FHOD3: variants seen among roughly 807,000 people sequenced by gnomAD.
FHOD3 encodes FH1/FH2 domain-containing protein 3.
In FHOD3, 90 loss-of-function variants were observed where a neutral mutation model predicts 173.0. The ratio of observed to expected loss-of-function variants is 0.52; its 90% CI spans 0.44 to 0.62. The LOEUF (loss-of-function observed/expected upper bound fraction) is 0.62, where lower values mean the gene tolerates loss of function less well. Among genes scored for constraint, FHOD3 ranks in the 20% least tolerant of loss-of-function variants. The pLI is 0.00. For missense variants in FHOD3, 1,945 were observed against 2,034.7 expected, an observed-to-expected ratio of 0.96 and a Z score of 0.85; for synonymous variants, 828 against 823.0, an observed-to-expected ratio of 1.01 and a Z score of -0.10.
intron 19 of FHOD3, among the ~76,000 whole-genome samples, chr18:36,722,666 A>G (rs548676052): frequency 1.6e-4 from 25 of 152,210 alleles, no homozygotes; most frequent in African/African-American, 6.0e-4. Flanking sequence ...GTGCAGTGGC[A>G]CAATGATAGC....
intron 14 of FHOD3, among the ~76,000 whole-genome samples, chr18:36,666,798 G>A (rs546939530): frequency 3.9e-5 from 6 of 152,062 alleles, no homozygotes; most frequent in Non-Finnish European, 5.9e-5. Flanking sequence ...AAATTGACAC[G>A]CAAGAAACAG....
chr18:36,621,351 A>G lies in FHOD3; in HGVS notation c.958-4160A>G, dbSNP rs555195176. On this transcript the variant is annotated intron_variant, in intron 9 of 28. Transcript: ENST00000590592. The stretch of plus-strand genomic sequence containing the variant: ...ATCAGTTATCTTTTTCTGCATAACA[A>G]AACACCCCAGAACTTAGTGGTGTAA... 6.0e-4 allele frequency among the ~76,000 whole-genome samples: 92 copies of G among 152,342 alleles called. 2 individuals carry two copies. In the South Asian group the frequency reaches 0.017, roughly 28 times the overall value.
chr18:36,767,469 A>G lies in FHOD3; in HGVS notation c.4625-1796A>G, dbSNP rs759361249. On this transcript the variant is annotated intron_variant, in intron 27 of 28. Coordinates refer to ENST00000590592, the MANE Select transcript of FHOD3 (RefSeq NM_001281740.3). ...TGAGTAGCTGGGACTATAGATGCACACCACCATGCTTGACTAATTTTTGTA... is the reference window on the plus strand; with the variant it reads ...TGAGTAGCTGGGACTATAGATGCACGCCACCATGCTTGACTAATTTTTGTA... Among the ~76,000 whole-genome samples, 4 of 152,080 alleles carry G rather than the reference A, an allele frequency of 2.6e-5. No individual in the cohort carries two copies. The South Asian group carries it at 6.2e-4, about 24-fold the overall frequency.
intron 5 of FHOD3, among the ~76,000 whole-genome samples, chr18:36,555,440 G>A (rs1391297273): frequency 2.6e-5 from 4 of 151,180 alleles, no homozygotes; most frequent in Non-Finnish European, 5.9e-5. Context: ...TAAATATACC[G>A]AGAGTGTTTT....
chr18:36,779,008 C>T (rs186760070), intron 28 of FHOD3: 1 of 159,356 alleles, frequency 6.3e-6, no homozygotes, highest in Non-Finnish European at 1.4e-5. Context: ...TGCCTCACCT[C>T]ATTTGTATTA....
chr18:36,575,152 G>T (rs2058601990), intron 5 of FHOD3, among the ~76,000 whole-genome samples: 1 of 152,030 alleles, frequency 6.6e-6, no homozygotes, highest in South Asian at 2.1e-4. Context: ...TGTGTTTTTA[G>T]TAGAGACAAG....
At chr18:36,685,123 G>A (rs79327918) in intron 15 of FHOD3, among the ~76,000 whole-genome samples, 2,000 of 152,258 alleles carry the variant, frequency 0.013, 53 homozygotes, top group African/African-American at 0.046. Context: ...TAATATACAG[G>A]AATTATGTTA....
At chr18:36,332,832 T>C (rs951631115) in intron 1 of FHOD3, among the ~76,000 whole-genome samples, 1 of 152,196 alleles carries the variant, frequency 6.6e-6, no homozygotes, top group African/African-American at 2.4e-5. Flanking sequence ...AAATTCTGAC[T>C]TAGTTGATGA....
At chr18:36,591,456 G>T (rs2059214401) in intron 6 of FHOD3, among the ~76,000 whole-genome samples, 1 of 152,192 alleles carries the variant, frequency 6.6e-6, no homozygotes, top group Non-Finnish European at 1.5e-5. Flanking sequence ...AGCATAGAGG[G>T]ATGGATTCAG....
intron 3 of FHOD3, among the ~76,000 whole-genome samples, chr18:36,489,916 C>T (rs566331342): frequency 1.3e-5 from 2 of 152,102 alleles, no homozygotes; most frequent in Non-Finnish European, 2.9e-5. Context: ...AGAGAGACAG[C>T]CCTGAGATAG....
At chr18:36,574,836 A>C (rs2058586950) in intron 5 of FHOD3, among the ~76,000 whole-genome samples, 1 of 152,268 alleles carries the variant, frequency 6.6e-6, no homozygotes, top group Admixed American at 6.5e-5. Flanking sequence ...ATAGACTATG[A>C]ATCTGTTATT....
intron 18 of FHOD3, among the ~76,000 whole-genome samples, chr18:36,712,356 A>G (rs4603639): frequency 0.32 from 48,955 of 152,080 alleles, 8,124 homozygotes; most frequent in South Asian, 0.48. Flanking sequence ...TGCTTCAGTG[A>G]GCAGTTACAA....
intron 28 of FHOD3, among the ~76,000 whole-genome samples, chr18:36,776,013 T>C (rs1044896734): frequency 1.3e-5 from 2 of 151,460 alleles, no homozygotes; most frequent in African/African-American, 4.9e-5. Flanking sequence ...AAATGAGGAG[T>C]CGGGAGAGGC....
intron 3 of FHOD3, among the ~76,000 whole-genome samples, chr18:36,445,354 T>G (rs1403649591): frequency 2.0e-5 from 3 of 152,146 alleles, no homozygotes; most frequent in African/African-American, 7.2e-5. Flanking sequence ...GGTGATGAGG[T>G]GTGGGCTAAA....
chr18:36,372,888 A>G (rs2047263150), intron 3 of FHOD3, 144 bp downstream of exon 3: 1 of 709,618 alleles, frequency 1.4e-6, no homozygotes, highest in Non-Finnish European at 2.3e-6. Context: ...ATTTCCAGCA[A>G]TGATTTTTGA....
intron 5 of FHOD3, among the ~76,000 whole-genome samples, chr18:36,528,964 A>C (rs933371795): frequency 6.6e-6 from 1 of 152,210 alleles, no homozygotes. Context: ...AGAATGTCAC[A>C]CAACACAGGT....
chr18:36,445,399 G>T (rs369460832), intron 3 of FHOD3, among the ~76,000 whole-genome samples: 2 of 152,162 alleles, frequency 1.3e-5, no homozygotes, highest in Admixed American at 6.5e-5. Context: ...TTGAGTTTTG[G>T]CAGTATGATT....
At chr18:36,356,781 G>A (rs1598822915) in intron 2 of FHOD3, among the ~76,000 whole-genome samples, 1 of 151,952 alleles carries the variant, frequency 6.6e-6, no homozygotes, top group South Asian at 2.1e-4. Flanking sequence ...GACTACAGGC[G>A]TGTGCCACCA....
At chr18:36,514,297 C>T (rs2055837966) in intron 5 of FHOD3, among the ~76,000 whole-genome samples, 1 of 152,262 alleles carries the variant, frequency 6.6e-6, no homozygotes, top group East Asian at 1.9e-4. Flanking sequence ...GTGTGAGCCA[C>T]TGCACCCGGC....
Sources: allele counts gnomAD v4.1 joint callset (sites outside exome capture counted in the v4.1 genomes callset), GRCh38; gene constraint gnomAD v4.1.1; transcripts MANE v1.5; gene names NCBI Gene and HGNC (gene_info 2026-07-23, HGNC 2026-07-21).